Variants in CHP1 observed in about 807,000 individuals in gnomAD.
CHP1 encodes calcineurin like EF-hand protein 1, also known as calcineurin B homologous protein 1.
In CHP1, 11 loss-of-function variants were observed where a neutral mutation model predicts 27.4. The observed-to-expected ratio is 0.40, with a 90% confidence interval of 0.25 to 0.67. The LOEUF (loss-of-function observed/expected upper bound fraction) is 0.67, where lower values mean the gene tolerates loss of function less well. CHP1 is among the 30% of genes least tolerant of loss of function. The pLI is 0.38. For missense variants in CHP1, 169 were observed against 251.3 expected (o/e 0.67, Z 2.22); for synonymous variants, 89 against 87.4 (o/e 1.02, Z -0.10).
At chr15:41,269,329 A>G (rs1050848402) in intron 4 of CHP1, among the ~76,000 whole-genome samples, 2 of 152,250 alleles carry the variant, frequency 1.3e-5, no homozygotes, top group African/African-American at 4.8e-5. Flanking sequence ...CCTTACAAGG[A>G]GTAAATTAGA....
In CHP1 at chr15:41,281,831, T is replaced by C. The variant is rs1473536329; in HGVS notation, c.*2442T>C. On this transcript the variant is annotated 3_prime_UTR_variant, in exon 7 of 7. Coordinates refer to ENST00000334660, the MANE Select transcript of CHP1 (RefSeq NM_007236.5). Reference sequence around the variant, plus strand: ...GTTTTAATCCACGGTTGTGCCTTATTGTTCCATTAAAATTGTATCTTCGAT... The same window carrying C: ...GTTTTAATCCACGGTTGTGCCTTATCGTTCCATTAAAATTGTATCTTCGAT... The C allele has an allele frequency of 6.6e-6, 1 of 152,652 alleles. No individual in the cohort carries two copies. Among genetic ancestry groups the C allele is most frequent in the Non-Finnish European group, 1.5e-5 (1 of 68,046 alleles). 9.5% of individuals were successfully genotyped at this position (152,652 alleles called of 1,614,324 possible).
At chr15:41,245,246 A>C (rs979130895) in intron 2 of CHP1, among the ~76,000 whole-genome samples, 1 of 152,154 alleles carries the variant, frequency 6.6e-6, no homozygotes. Context: ...GGATCACCTG[A>C]GATCAGGAGT....
At chr15:41,276,045 A>G (rs901474324) in intron 5 of CHP1, among the ~76,000 whole-genome samples, 1 of 152,104 alleles carries the variant, frequency 6.6e-6, no homozygotes, top group East Asian at 1.9e-4. Flanking sequence ...GTTCGAGACC[A>G]GCCTGACCAA....
intron 5 of CHP1, among the ~76,000 whole-genome samples, chr15:41,271,772 C>G (rs16971735): frequency 0.39 from 58,569 of 152,082 alleles, 12,288 homozygotes; most frequent in African/African-American, 0.57. Context: ...ACATTTCTAT[C>G]AGCAAAAACC....
At chr15:41,272,195 A>G (rs28417774) in intron 5 of CHP1, 59,102 of 151,326 alleles carry the variant, frequency 0.39, 12,644 homozygotes, top group African/African-American at 0.58. Context: ...ACGGGGTTTC[A>G]GCATATTGGC....
chr15:41,275,873 G>A (rs1347226300), intron 5 of CHP1, among the ~76,000 whole-genome samples: 11 of 151,752 alleles, frequency 7.2e-5, no homozygotes, highest in African/African-American at 2.2e-4. Flanking sequence ...GCACCACCAC[G>A]CCCAGCTAAT....
At chr15:41,241,606 C>G (rs1415961269) in intron 1 of CHP1, among the ~76,000 whole-genome samples, 1 of 152,208 alleles carries the variant, frequency 6.6e-6, no homozygotes, top group Non-Finnish European at 1.5e-5. Flanking sequence ...GTGGCTGGAT[C>G]CCTGCTGGCT....
Position 41,280,868 on chromosome 15 carries a change from C to CT in CHP1, c.*1487dup, listed in dbSNP as rs778260877. ...GTGTCTTGAAGTTTTGCACAAAATTCTTTTTTTTGAGATGGAGTCTCACTC... is the reference window on the plus strand; with the variant it reads ...GTGTCTTGAAGTTTTGCACAAAATTCTTTTTTTTTGAGATGGAGTCTCACTC... On this transcript the variant is annotated 3_prime_UTR_variant, in exon 7 of 7. Transcript: ENST00000334660. 7.1e-4 allele frequency: 105 copies of CT among 147,648 alleles called. 1 individual carries two copies. The highest frequency in any genetic ancestry group is 1.2e-3 in the Admixed American group (18 of 14,742). 9.1% of individuals were successfully genotyped at this position (147,648 alleles called of 1,614,324 possible). A position where few individuals can be genotyped will look rare whatever the true frequency, so the allele number is the denominator to read the frequency against.
intron 4 of CHP1, among the ~76,000 whole-genome samples, chr15:41,266,995 A>G (rs1038578204): frequency 6.6e-6 from 1 of 151,806 alleles, no homozygotes; most frequent in Non-Finnish European, 1.5e-5. Context: ...GCAAGACTCC[A>G]TCTCGAAAAA....
intron 1 of CHP1, among the ~76,000 whole-genome samples, chr15:41,237,042 G>A (rs1380017085): frequency 6.6e-6 from 1 of 151,706 alleles, no homozygotes; most frequent in African/African-American, 2.4e-5. Flanking sequence ...CGTTGGCCAG[G>A]CTGGTCTCGA....
intron 5 of CHP1, chr15:41,272,477 A>G (rs2047494829): frequency 6.6e-6 from 1 of 152,000 alleles, no homozygotes; most frequent in African/African-American, 2.4e-5. Flanking sequence ...GCTGGAGTGA[A>G]TATCACCATC....
chr15:41,246,895 T>TA (rs904133267), intron 2 of CHP1, among the ~76,000 whole-genome samples: 6 of 146,656 alleles, frequency 4.1e-5, no homozygotes, highest in African/African-American at 7.6e-5. Flanking sequence ...CTCAAAAAAT[T>TA]AAAAAAAAGC....
intron 4 of CHP1, among the ~76,000 whole-genome samples, chr15:41,265,093 G>C (rs1196537321): frequency 6.6e-6 from 1 of 152,076 alleles, no homozygotes; most frequent in Non-Finnish European, 1.5e-5. Context: ...CAGGTGCGGT[G>C]GCTCACGCCT....
chr15:41,257,715 A>G (rs1321364666), intron 3 of CHP1, among the ~76,000 whole-genome samples: 1 of 150,512 alleles, frequency 6.6e-6, no homozygotes, highest in Non-Finnish European at 1.5e-5. Flanking sequence ...ACATGCCACC[A>G]TACCTGGCTA....
chr15:41,271,918 T>C (rs1179623444), intron 5 of CHP1, among the ~76,000 whole-genome samples: 1 of 152,186 alleles, frequency 6.6e-6, no homozygotes, highest in Non-Finnish European at 1.5e-5. Context: ...TAGCAGTCAC[T>C]CTATAGTTGC....
At chr15:41,240,347 A>G (rs2047299839) in intron 1 of CHP1, among the ~76,000 whole-genome samples, 2 of 152,132 alleles carry the variant, frequency 1.3e-5, no homozygotes, top group African/African-American at 4.8e-5. Context: ...CAATTTTAAA[A>G]TTATATAAAT....
chr15:41,246,298 G>A (rs958494283), intron 2 of CHP1, among the ~76,000 whole-genome samples: 11 of 151,528 alleles, frequency 7.3e-5, no homozygotes, highest in African/African-American at 1.9e-4. Context: ...GAAAATAATC[G>A]AAAAGTTTTT....
chr15:41,234,392 ACTAT>A (rs1055220504), intron 1 of CHP1, among the ~76,000 whole-genome samples: 9 of 152,190 alleles, frequency 5.9e-5, no homozygotes, highest in African/African-American at 1.4e-4. Flanking sequence ...AATTTGGAAA[ACTAT>A]CTATCAGAAG....
At chr15:41,272,557 A>T (rs1017337026) in intron 5 of CHP1, among the ~76,000 whole-genome samples, 72 of 151,848 alleles carry the variant, frequency 4.7e-4, no homozygotes, top group African/African-American at 1.6e-3. Flanking sequence ...AGTAACTGGG[A>T]TTGCAGACAT....
Sources: allele counts gnomAD v4.1 joint callset (sites outside exome capture counted in the v4.1 genomes callset), GRCh38; gene constraint gnomAD v4.1.1; transcripts MANE v1.5; gene names NCBI Gene and HGNC (gene_info 2026-07-23, HGNC 2026-07-21).